The following TBL1X variants were observed in gnomAD, a reference collection of about 807,000 sequenced individuals.
The protein encoded by TBL1X is F-box-like/WD repeat-containing protein TBL1X.
In TBL1X, 10 loss-of-function variants were observed where a neutral mutation model predicts 50.7. The ratio of observed to expected loss-of-function variants is 0.20; its 90% CI spans 0.12 to 0.33. The LOEUF (loss-of-function observed/expected upper bound fraction) is 0.33. Among genes scored for constraint, TBL1X ranks in the 10% least tolerant of loss-of-function variants. The probability of loss-of-function intolerance (pLI) is 1.00; values close to 1 mark genes in which losing one functional copy is unlikely to be tolerated. For missense variants in TBL1X, 340 were observed against 504.4 expected (o/e 0.67, Z 3.12); for synonymous variants, 190 against 214.7 (o/e 0.88, Z 1.01).
intron 3 of TBL1X, chrX:9,645,524 T>A (rs1557730): frequency 9.0e-6 from 1 of 110,820 alleles, no homozygotes; most frequent in South Asian, 3.8e-4. Flanking sequence ...CCGCATCTTA[T>A]GCCACTAGTT....
chrX:9,704,164 C>T (rs930855320), intron 12 of TBL1X, among the ~76,000 whole-genome samples: 2 of 112,285 alleles, frequency 1.8e-5, no homozygotes, highest in African/African-American at 3.2e-5. Flanking sequence ...GTGTCGGTCA[C>T]AGGCCCTGAA....
chrX:9,564,731 C>CA (rs1325314175), intron 2 of TBL1X, among the ~76,000 whole-genome samples: 1,307 of 76,673 alleles, frequency 0.017, 20 homozygotes, highest in African/African-American at 0.047. Flanking sequence ...GACTCTGTCT[C>CA]AAAAAAAAAA....
At chrX:9,630,721 G>A (rs1353609316) in intron 2 of TBL1X, among the ~76,000 whole-genome samples, 2 of 111,253 alleles carry the variant, frequency 1.8e-5, no homozygotes, top group East Asian at 2.8e-4. Flanking sequence ...GACTACAGGC[G>A]TGAGCTACCA....
At chrX:9,596,491 G>C (rs1452623731) in intron 2 of TBL1X, among the ~76,000 whole-genome samples, 1 of 110,941 alleles carries the variant, frequency 9.0e-6, no homozygotes, top group East Asian at 2.8e-4. Context: ...GGGTAGTACT[G>C]GCATCTGGTG....
At chrX:9,566,102 T>G (rs1329520193) in intron 2 of TBL1X, among the ~76,000 whole-genome samples, 2 of 112,301 alleles carry the variant, frequency 1.8e-5, no homozygotes, top group Non-Finnish European at 3.8e-5. Context: ...ACAGACATTT[T>G]GGCATAGTTA....
rs16985646 is a variant in TBL1X, at chrX:9,647,272, T to C, written c.-42-6273T>C. On this transcript the variant is annotated intron_variant, in intron 3 of 17. Transcript: ENST00000645353. The stretch of plus-strand genomic sequence containing the variant: ...GCTCTAAACCCCAAATTATCACTTA[T>C]ATTGAATTACTTATCTTTAGCAGAG... 5.0e-3 allele frequency among the ~76,000 whole-genome samples: 557 copies of C among 112,127 alleles called. 4 individuals carry two copies. The highest frequency in any genetic ancestry group is 0.017 in the African/African-American group (521 of 30,867).
chrX:9,470,585 A>G (rs746328569), intron 1 of TBL1X, among the ~76,000 whole-genome samples: 13 of 112,322 alleles, frequency 1.2e-4, no homozygotes, highest in Non-Finnish European at 2.1e-4. Context: ...TATGCCAGTT[A>G]GTTCTTGATG....
At chrX:9,577,376 G>A (rs915331276) in intron 2 of TBL1X, among the ~76,000 whole-genome samples, 1 of 112,182 alleles carries the variant, frequency 8.9e-6, no homozygotes, top group African/African-American at 3.2e-5. Context: ...CACGATGCTG[G>A]TAGGAGGCAC....
intron 1 of TBL1X, among the ~76,000 whole-genome samples, chrX:9,474,451 C>T (rs181713277): frequency 3.5e-4 from 40 of 113,333 alleles, no homozygotes; most frequent in Non-Finnish European, 2.1e-4. Context: ...TTGAGATCCA[C>T]CAGCTTAAGG....
intron 7 of TBL1X, 119 bp from the exon 8 acceptor site, chrX:9,691,456 AAAAG>A: frequency 4.4e-6 from 3 of 680,651 alleles, no homozygotes; most frequent in Non-Finnish European, 6.2e-6. Flanking sequence ...AAAAAAAAAG[AAAAG>A]GAATCATCAG....
At chrX:9,531,354 G>GGT (rs57905343) in intron 2 of TBL1X, among the ~76,000 whole-genome samples, 7,161 of 74,967 alleles carry the variant, frequency 0.096, 288 homozygotes, top group Middle Eastern at 0.13. Flanking sequence ...GAACCTGGAG[G>GGT]GTGTGTGTGT....
At chrX:9,534,951 G>A (rs1048681096) in intron 2 of TBL1X, 8 of 111,974 alleles carry the variant, frequency 7.1e-5, no homozygotes, top group East Asian at 2.8e-4. Context: ...CACAACTTGA[G>A]GTAGCTTGTG....
chrX:9,539,935 T>C (rs1051462131), intron 2 of TBL1X, among the ~76,000 whole-genome samples: 1 of 112,414 alleles, frequency 8.9e-6, no homozygotes, highest in Non-Finnish European at 1.9e-5. Flanking sequence ...ACAGGACTTA[T>C]TTGGCTCTAG....
At chrX:9,706,502 C>T (rs1443278100) in intron 13 of TBL1X, among the ~76,000 whole-genome samples, 1 of 110,841 alleles carries the variant, frequency 9.0e-6, no homozygotes, top group Non-Finnish European at 1.9e-5. Flanking sequence ...ACCATATCCA[C>T]CTAGGCATAT....
At chrX:9,600,766 C>G (rs1429564375) in intron 2 of TBL1X, among the ~76,000 whole-genome samples, 3 of 111,687 alleles carry the variant, frequency 2.7e-5, no homozygotes, top group Non-Finnish European at 5.6e-5. Flanking sequence ...TAGGACAGGC[C>G]TGAACACAGG....
chrX:9,592,779 G>A (rs1359055735), intron 2 of TBL1X, among the ~76,000 whole-genome samples: 2 of 111,833 alleles, frequency 1.8e-5, no homozygotes, highest in East Asian at 2.8e-4. Context: ...AAGTCCATCC[G>A]TGTTATAGCA....
chrX:9,695,262 C>G (rs920891480), intron 11 of TBL1X, among the ~76,000 whole-genome samples: 2 of 112,193 alleles, frequency 1.8e-5, no homozygotes, highest in African/African-American at 6.5e-5. Flanking sequence ...CCTGGCCCTT[C>G]ACAGAAAAAG....
chrX:9,511,647 G>C (rs2082056063), intron 2 of TBL1X, among the ~76,000 whole-genome samples: 1 of 112,402 alleles, frequency 8.9e-6, no homozygotes, highest in Admixed American at 9.4e-5. Flanking sequence ...TCATTTTCCA[G>C]CTCACAATTA....
intron 5 of TBL1X, among the ~76,000 whole-genome samples, chrX:9,682,298 C>G (rs1018771300): frequency 1.8e-5 from 2 of 112,106 alleles, no homozygotes; most frequent in South Asian, 3.7e-4. Flanking sequence ...TCCAAAAACA[C>G]AGGGGCGGAG....
Sources: gnomAD v4.1 joint callset for allele counts (sites outside exome capture counted in the v4.1 genomes callset) on GRCh38, gnomAD v4.1.1 for gene constraint, MANE v1.5 for transcripts, NCBI Gene and HGNC (gene_info 2026-07-23, HGNC 2026-07-21) for gene names.